TMEM150B: variants seen among roughly 807,000 people sequenced by gnomAD.
The protein encoded by TMEM150B is transmembrane protein 150B.
Under a neutral mutation model 25.2 loss-of-function variants are expected in TMEM150B, and 33 were observed. That is an observed-to-expected ratio of 1.31 (90% CI 0.99 to 1.75). The LOEUF is 1.75. Ranked by LOEUF, TMEM150B falls within the 40% of genes most tolerant of loss-of-function variation. TMEM150B has a pLI of 0.00. For synonymous variants in TMEM150B, 133 were observed against 134.8 expected (o/e 0.99, Z 0.09); for missense variants, 322 against 306.1 (o/e 1.05, Z -0.39).
chr19:55,312,722 G>T, downstream of TMEM150B: 2 of 1,021,160 alleles, frequency 2.0e-6, no homozygotes, highest in Non-Finnish European at 1.4e-6. Flanking sequence ...CAGGTCCTCC[G>T]GCTCCAGGTC....
At chr19:55,320,820 C>T in intron 3 of TMEM150B, 149 bp downstream of exon 3, 2 of 1,160,414 alleles carry the variant, frequency 1.7e-6, no homozygotes, top group Non-Finnish European at 2.4e-6. Context: ...CCCCTCCTCC[C>T]TCAGACCCAG....
chr19:55,317,671 C>T (rs1359384448), intron 6 of TMEM150B, among the ~76,000 whole-genome samples: 1 of 152,050 alleles, frequency 6.6e-6, no homozygotes, highest in East Asian at 1.9e-4. Context: ...ATCCCAGCTA[C>T]TTGGGAGGCT....
At chr19:55,324,626 C>G in intron 1 of TMEM150B, 3 of 789,774 alleles carry the variant, frequency 3.8e-6, no homozygotes, top group Non-Finnish European at 4.6e-6. Context: ...CCAGCCTGGG[C>G]GACAGAGTGA....
chr19:55,311,326 C>T (rs999265573), downstream of TMEM150B, among the ~76,000 whole-genome samples: 6 of 152,070 alleles, frequency 3.9e-5, no homozygotes, highest in African/African-American at 9.7e-5. Context: ...CATCCTAGGC[C>T]CCATGGAAAT....
At chr19:55,316,412 C>A (rs2089000789) in intron 7 of TMEM150B, among the ~76,000 whole-genome samples, 1 of 152,088 alleles carries the variant, frequency 6.6e-6, no homozygotes, top group Non-Finnish European at 1.5e-5. Flanking sequence ...CTTAGTATAT[C>A]ATTCTTCCAG....
intron 6 of TMEM150B, among the ~76,000 whole-genome samples, chr19:55,318,937 A>C (rs2123098635): frequency 6.6e-6 from 1 of 151,876 alleles, no homozygotes; most frequent in South Asian, 2.1e-4. Flanking sequence ...CCTCCTGCAT[A>C]GCTGGGACTA....
At chr19:55,325,106 G>A (rs971187797) in intron 1 of TMEM150B, among the ~76,000 whole-genome samples, 166 bp downstream of exon 1, 3 of 152,136 alleles carry the variant, frequency 2.0e-5, no homozygotes, top group Non-Finnish European at 2.9e-5. Flanking sequence ...ACTTGTCCCC[G>A]CTCTGAGCCT....
chr19:55,324,761 C>A (rs2089292287), intron 1 of TMEM150B: 1 of 985,354 alleles, frequency 1.0e-6, no homozygotes, highest in Admixed American at 6.1e-5. Context: ...CTGCCAAATG[C>A]CTCTCCTCTG....
In TMEM150B at chr19:55,314,129, C is replaced by A. The variant is rs147566092; in HGVS notation, c.506-1074G>T. On this transcript the variant is annotated intron_variant, in intron 7 of 7. Coordinates refer to ENST00000326652, the MANE Select transcript of TMEM150B (RefSeq NM_001282011.2). ...CTCTGCCTCCCAGGTTCAAGCGATT[C>A]TTGTGCCTCAGCCTCCTGAGCAGCT... Among the ~76,000 whole-genome samples the A allele has an allele frequency of 1.4e-4, 22 of 152,322 alleles. No individual in the cohort carries two copies. In the East Asian group the frequency reaches 4.2e-3, roughly 29 times the overall value.
chr19:55,313,099 G>A (rs753924208), intron 7 of TMEM150B, 44 bp from the exon 8 acceptor site: 3 of 1,551,032 alleles, frequency 1.9e-6, no homozygotes, highest in Admixed American at 3.7e-5. Flanking sequence ...GACAGACGCG[G>A]AGCCCGGCCT....
At chr19:55,319,430 CTTCTTT>C (rs1225936730) in intron 6 of TMEM150B, 3 of 89,072 alleles carry the variant, frequency 3.4e-5, no homozygotes, top group Admixed American at 1.4e-4. Context: ...TCATCTTCTT[CTTCTTT>C]TTTTTTTTTT....
chr19:55,322,830 C>T lies in TMEM150B; in HGVS notation c.-153-87G>A, dbSNP rs553733395. ...TAACGGCTCTCTGTCCCCAAACCACCGTGTCCTGTCTCCTTAGAACCTCAC... is the reference window on the plus strand; with the variant it reads ...TAACGGCTCTCTGTCCCCAAACCACTGTGTCCTGTCTCCTTAGAACCTCAC... On this transcript the variant is annotated intron_variant, in intron 1 of 7. Coordinates refer to ENST00000326652, the MANE Select transcript of TMEM150B (RefSeq NM_001282011.2). The T allele has an allele frequency of 4.2e-3, 2,437 of 576,944 alleles. 8 individuals carry two copies. Among genetic ancestry groups the T allele is most frequent in the Non-Finnish European group, 4.8e-3 (2,185 of 457,144 alleles). 35.7% of individuals were successfully genotyped at this position (576,944 alleles called of 1,614,324 possible).
At chr19:55,317,363 T>C (rs2384691) in intron 6 of TMEM150B, among the ~76,000 whole-genome samples, 74,670 of 151,974 alleles carry the variant, frequency 0.49, 18,993 homozygotes, top group African/African-American at 0.55. Flanking sequence ...CTTAAAATTT[T>C]GGCCTGGTGC....
chr19:55,310,014 A>G (rs536843555), downstream of TMEM150B, among the ~76,000 whole-genome samples: 1 of 152,202 alleles, frequency 6.6e-6, no homozygotes, highest in African/African-American at 2.4e-5. This position sits in a 1 kb window ranked among gnomAD's most constrained non-coding sequence, Gnocchi z 5.0. Context: ...GCCAGGAGCC[A>G]GGGCAGCTTT....
At chr19:55,324,096 T>A (rs973482335) in intron 1 of TMEM150B, among the ~76,000 whole-genome samples, 6 of 151,520 alleles carry the variant, frequency 4.0e-5, no homozygotes, top group Non-Finnish European at 8.8e-5. Context: ...GCGGAAGCCA[T>A]CGCGCCCAAC....
downstream of TMEM150B, chr19:55,311,962 T>C: frequency 6.4e-7 from 1 of 1,572,340 alleles, no homozygotes; most frequent in Non-Finnish European, 8.7e-7. Flanking sequence ...CCCCGAAGCC[T>C]GCAGCCCCCA....
At chr19:55,311,614 A>C, downstream of TMEM150B, among the ~76,000 whole-genome samples, 1 of 152,166 alleles carries the variant, frequency 6.6e-6, no homozygotes, top group Admixed American at 6.5e-5. Flanking sequence ...AGAATCTGAG[A>C]GTCTCCTAAA....
In TMEM150B at chr19:55,324,348, CA is replaced by C. The variant is rs976989733; in HGVS notation, c.-154+923del. 1.0e-4 allele frequency among the ~76,000 whole-genome samples: 15 copies of C among 149,280 alleles called. No homozygotes were observed. In the East Asian group the frequency reaches 1.8e-3, roughly 18 times the overall value. The stretch of plus-strand genomic sequence containing the variant: ...TGAAAACCTGTCTCTACTAAAAATA[CA>C]AAAAAAAATTAGCTGGGTGGCCGGG... On this transcript the variant is annotated intron_variant, in intron 1 of 7. Coordinates refer to ENST00000326652, the MANE Select transcript of TMEM150B (RefSeq NM_001282011.2).
intron 7 of TMEM150B, among the ~76,000 whole-genome samples, chr19:55,313,503 C>T (rs541011758): frequency 6.6e-6 from 1 of 152,282 alleles, no homozygotes; most frequent in East Asian, 1.9e-4. Flanking sequence ...GGCCTACAGG[C>T]CCTTCCTGCT....
Sources: gnomAD v4.1 joint callset for allele counts (sites outside exome capture counted in the v4.1 genomes callset) on GRCh38, gnomAD v4.1.1 for gene constraint, Gnocchi (gnomAD v3.1) non-coding constraint, MANE v1.5 for transcripts, NCBI Gene and HGNC (gene_info 2026-07-23, HGNC 2026-07-21) for gene names.